KCNG3: variants seen among roughly 807,000 people sequenced by gnomAD.
KCNG3 encodes potassium voltage-gated channel modifier subfamily G member 3, also known as voltage-gated potassium channel regulatory subunit KCNG3.
KCNG3 carries 15 observed loss-of-function variants against 29.0 expected under a neutral mutation model. The ratio of observed to expected loss-of-function variants is 0.52; its 90% confidence interval spans 0.35 to 0.80. The LOEUF (loss-of-function observed/expected upper bound fraction) is 0.80, where lower values mean the gene tolerates loss of function less well. Among genes scored for constraint, KCNG3 ranks in the 30% least tolerant of loss-of-function variants. The pLI, the probability that KCNG3 is intolerant of heterozygous loss-of-function variation, is 0.01. For missense variants in KCNG3, 512 were observed against 605.7 expected, an observed-to-expected ratio of 0.85 and a Z score of 1.62; for synonymous variants, 322 against 248.9, an observed-to-expected ratio of 1.29 and a Z score of -2.76.
intron 1 of KCNG3, among the ~76,000 whole-genome samples, chr2:42,488,898 T>C (rs1007162391): frequency 6.6e-6 from 1 of 151,814 alleles, no homozygotes; most frequent in Non-Finnish European, 1.5e-5. Context: ...TCTGGAAGGT[T>C]ATATTTTGAA....
At position 42,493,325 on chromosome 2, in the gene KCNG3, G is replaced by C. The variant is rs771404384; in HGVS notation, c.177C>G (p.Asn59Lys). 7 of 1,606,686 alleles carry C rather than the reference G, an allele frequency of 4.4e-6. No homozygotes were observed. The highest frequency in any genetic ancestry group is 5.9e-6 in the Non-Finnish European group (7 of 1,176,818). Residue 59 changes from asparagine (N) to lysine (K), a missense_variant, in exon 1 of 2, where the codon AAC becomes AAG. Coordinates refer to ENST00000306078, the MANE Select transcript of KCNG3 (RefSeq NM_133329.6). ...CCGAGTGCCGGTCGAAGAAGTACTC[G>C]TTGCGCTCGCGGTCGTAGTCGTCGC... Reference protein sequence around the residue: ...EVCDDYDRERNEYFFDRHSEA... With the variant: ...EVCDDYDRERKEYFFDRHSEA...
the KCNG3 span, among the ~76,000 whole-genome samples, chr2:42,407,714 G>A: frequency 6.6e-6 from 1 of 151,576 alleles, no homozygotes; most frequent in Non-Finnish European, 1.5e-5. Flanking sequence ...GAGCAAGCAG[G>A]AGCCCTGCCC....
At chr2:42,421,606 C>G in the KCNG3 span, among the ~76,000 whole-genome samples, 3 of 152,046 alleles carry the variant, frequency 2.0e-5, no homozygotes, top group Non-Finnish European at 4.4e-5. Context: ...CTGATCATAT[C>G]AAAATTTTCA....
chr2:42,453,471 T>C (rs994075486), intron 1 of KCNG3, among the ~76,000 whole-genome samples: 14 of 152,348 alleles, frequency 9.2e-5, no homozygotes, highest in Non-Finnish European at 1.8e-4. Flanking sequence ...GCACGCACCT[T>C]TTCCATATAC....
chr2:42,394,483 C>A, the KCNG3 span, among the ~76,000 whole-genome samples: 2 of 152,188 alleles, frequency 1.3e-5, no homozygotes, highest in East Asian at 3.9e-4. Flanking sequence ...ACACCTACAC[C>A]CTTCTCACAT....
At chr2:42,437,328 C>T (rs557928546), downstream of KCNG3, among the ~76,000 whole-genome samples, 25 of 152,230 alleles carry the variant, frequency 1.6e-4, no homozygotes, top group African/African-American at 5.5e-4. Context: ...CCATGACCCA[C>T]GATTCTAACT....
the KCNG3 span, among the ~76,000 whole-genome samples, chr2:42,434,666 C>CAAAAAAA: frequency 1.5e-5 from 1 of 64,694 alleles, no homozygotes; most frequent in Non-Finnish European, 2.7e-5. Context: ...AACTCCATCT[C>CAAAAAAA]AAAAAAAAAA....
At chr2:42,455,285 C>T (rs1463680644) in intron 1 of KCNG3, among the ~76,000 whole-genome samples, 4 of 152,164 alleles carry the variant, frequency 2.6e-5, no homozygotes, top group African/African-American at 9.7e-5. Context: ...TGCTCAGCCA[C>T]ACTACCCGTG....
Position 42,484,928 on chromosome 2 carries a change from G to C in KCNG3, c.665+7909C>G, listed in dbSNP as rs77218542. Among the ~76,000 whole-genome samples the C allele has an allele frequency of 1.3e-4, 20 of 152,278 alleles. No individual in the cohort carries two copies. The East Asian group carries it at 3.7e-3, about 28-fold the overall frequency. The stretch of plus-strand genomic sequence containing the variant: ...TCCTATCAGAGATCTAGTAATTACT[G>C]ACTTCTGAAAATATCCACCTTATCT... On this transcript the variant is annotated intron_variant, in intron 1 of 1. Transcript: ENST00000306078.
At chr2:42,434,666 CAAAAAAAAAAAAAAA>C in the KCNG3 span, among the ~76,000 whole-genome samples, 2 of 64,696 alleles carry the variant, frequency 3.1e-5, no homozygotes, top group East Asian at 4.5e-4. Flanking sequence ...AACTCCATCT[CAAAAAAAAAAAAAAA>C]AAAAAAAAAA....
chr2:42,424,193 A>G, the KCNG3 span, among the ~76,000 whole-genome samples: 1 of 152,224 alleles, frequency 6.6e-6, no homozygotes, highest in African/African-American at 2.4e-5. Context: ...TTGGCCTTGA[A>G]AAGGTTACAT....
intron 1 of KCNG3, among the ~76,000 whole-genome samples, chr2:42,478,219 T>G (rs1052263536): frequency 2.0e-5 from 3 of 152,154 alleles, no homozygotes; most frequent in East Asian, 1.9e-4. Context: ...TCTATCTATA[T>G]TTATCATATT....
intron 1 of KCNG3, among the ~76,000 whole-genome samples, chr2:42,476,962 G>A (rs1181039687): frequency 6.7e-6 from 1 of 148,164 alleles, no homozygotes; most frequent in Non-Finnish European, 1.5e-5. Context: ...GAGACGGCGA[G>A]ATCACGAGGT....
chr2:42,489,063 G>T (rs762669283), intron 1 of KCNG3, among the ~76,000 whole-genome samples: 36 of 151,850 alleles, frequency 2.4e-4, no homozygotes, highest in Non-Finnish European at 4.3e-4. Context: ...GGGAGGCCAA[G>T]GTGGTAGGAT....
chr2:42,471,115 GA>G (rs1293696605), intron 1 of KCNG3, among the ~76,000 whole-genome samples: 1 of 151,548 alleles, frequency 6.6e-6, no homozygotes, highest in Non-Finnish European at 1.5e-5. Flanking sequence ...TCGTGCCACT[GA>G]ACTCCAGCCT....
rs756242523 is a variant in KCNG3 at position 42,493,154 on chromosome 2, G to C, written c.348C>G (p.Leu116=). Residue 116 remains leucine (L), a synonymous_variant, in exon 1 of 2, where the codon CTC becomes CTG. Coordinates refer to ENST00000306078, the MANE Select transcript of KCNG3 (RefSeq NM_133329.6). ...TGTAGGTGTCGGACATGCGGTCGTC[G>C]AGGCGGCGCTGGCAGCAGTACTCGA... The part of the protein sequence containing the change: ...AHLEYCCQRR[L]DDRMSDTYTF... 3.1e-6 allele frequency: 5 copies of C among 1,606,400 alleles called. No individual in the cohort carries two copies. Among genetic ancestry groups the C allele is most frequent in the East Asian group, 2.2e-5 (1 of 44,692 alleles).
At chr2:42,490,531 C>T (rs968140870) in intron 1 of KCNG3, among the ~76,000 whole-genome samples, 1 of 152,230 alleles carries the variant, frequency 6.6e-6, no homozygotes, top group Admixed American at 6.5e-5. Context: ...ACCCTGAAGG[C>T]CTTCTCTGAA....
At chr2:42,391,072 A>G in the KCNG3 span, among the ~76,000 whole-genome samples, 93 of 152,004 alleles carry the variant, frequency 6.1e-4, 3 homozygotes. Flanking sequence ...TGCTGTGACT[A>G]TTTTCCTCCC....
chr2:42,405,666 G>A, the KCNG3 span, among the ~76,000 whole-genome samples: 3 of 151,998 alleles, frequency 2.0e-5, no homozygotes, highest in East Asian at 5.8e-4. Flanking sequence ...GGAGTGCAGT[G>A]GCGCAATCTC....
Sources: allele counts gnomAD v4.1 joint callset (sites outside exome capture counted in the v4.1 genomes callset), GRCh38; gene constraint gnomAD v4.1.1; transcripts MANE v1.5; gene names NCBI Gene and HGNC (gene_info 2026-07-23, HGNC 2026-07-21).